Variants in PDE1A observed in about 807,000 individuals in gnomAD.
The protein encoded by PDE1A is phosphodiesterase 1A.
Under a neutral mutation model 61.7 loss-of-function variants are expected in PDE1A, and 35 were observed. The ratio of observed to expected loss-of-function variants is 0.57; its 90% confidence interval spans 0.43 to 0.75. PDE1A has a LOEUF of 0.75. Ranked by LOEUF, PDE1A falls within the 30% of genes least tolerant of loss-of-function variation. PDE1A has a pLI of 0.00. For synonymous variants in PDE1A, 232 were observed against 213.2 expected, an observed-to-expected ratio of 1.09 and a Z score of -0.77; for missense variants, 597 against 630.6, an observed-to-expected ratio of 0.95 and a Z score of 0.57.
chr2:182,639,787 T>A, the PDE1A span, among the ~76,000 whole-genome samples: 1 of 150,922 alleles, frequency 6.6e-6, no homozygotes, highest in Non-Finnish European at 1.5e-5. Flanking sequence ...CCTGAGAGAA[T>A]AAAACAAATA....
At chr2:182,146,124 C>T (rs1043718866), downstream of PDE1A, among the ~76,000 whole-genome samples, 1 of 152,142 alleles carries the variant, frequency 6.6e-6, no homozygotes, top group Admixed American at 6.5e-5. Flanking sequence ...TCTAACTGCC[C>T]ATATCTCCGC....
chr2:182,534,445 T>C, the PDE1A span, among the ~76,000 whole-genome samples: 2 of 152,018 alleles, frequency 1.3e-5, no homozygotes, highest in African/African-American at 2.4e-5. Flanking sequence ...CTGCAATGTC[T>C]GAACATTCAC....
At chr2:182,435,901 ATGAAT>A (rs770006739) in intron 2 of PDE1A, among the ~76,000 whole-genome samples, 4 of 152,192 alleles carry the variant, frequency 2.6e-5, no homozygotes, top group Non-Finnish European at 5.9e-5. Flanking sequence ...CAACCAAGAA[ATGAAT>A]TGAATCAATG....
intron 1 of PDE1A, among the ~76,000 whole-genome samples, chr2:182,417,308 G>T (rs572930074): frequency 6.6e-6 from 1 of 152,234 alleles, no homozygotes; most frequent in South Asian, 2.1e-4. Flanking sequence ...CCCTTCTTCT[G>T]TCACTGTACT....
chr2:182,203,040 G>C (rs1048517672), intron 8 of PDE1A, among the ~76,000 whole-genome samples: 18 of 152,208 alleles, frequency 1.2e-4, no homozygotes, highest in Non-Finnish European at 2.4e-4. Flanking sequence ...TATTGGCTGG[G>C]CATGGTGGCT....
At chr2:182,578,684 C>T in the PDE1A span, among the ~76,000 whole-genome samples, 3 of 152,144 alleles carry the variant, frequency 2.0e-5, no homozygotes, top group East Asian at 5.8e-4. Flanking sequence ...AGCTTTTTTA[C>T]ATGAACCTGA....
At chr2:182,283,579 T>C (rs1693965310) in intron 1 of PDE1A, among the ~76,000 whole-genome samples, 1 of 152,076 alleles carries the variant, frequency 6.6e-6, no homozygotes, top group East Asian at 1.9e-4. Context: ...AAAAAAAATC[T>C]TTTCAACTTT....
the PDE1A span, among the ~76,000 whole-genome samples, chr2:182,534,942 G>T: frequency 6.6e-6 from 1 of 151,900 alleles, no homozygotes; most frequent in Non-Finnish European, 1.5e-5. Context: ...TAGTTTACAT[G>T]AAATTTACCT....
the PDE1A span, among the ~76,000 whole-genome samples, chr2:182,627,035 T>TAACA: frequency 0.055 from 42 of 766 alleles, 4 homozygotes; most frequent in African/African-American, 0.099. Context: ...AATATAAATA[T>TAACA]ATATATTATT....
At chr2:182,445,899 A>G (rs1325108490) in intron 2 of PDE1A, among the ~76,000 whole-genome samples, 1 of 152,090 alleles carries the variant, frequency 6.6e-6, no homozygotes, top group Non-Finnish European at 1.5e-5. Context: ...AAATATTGTC[A>G]AGGTACTTTG....
intron 2 of PDE1A, among the ~76,000 whole-genome samples, chr2:182,471,333 ACCTAGT>A (rs1336279329): frequency 1.3e-5 from 2 of 151,786 alleles, no homozygotes; most frequent in Admixed American, 1.3e-4. Context: ...AATTGACCTC[ACCTAGT>A]CCCACAATCA....
At chr2:182,331,209 G>C (rs928839897) in intron 1 of PDE1A, among the ~76,000 whole-genome samples, 3 of 152,170 alleles carry the variant, frequency 2.0e-5, no homozygotes, top group African/African-American at 7.2e-5. Flanking sequence ...CTTGAATCTT[G>C]ACGCTGAGGA....
chr2:182,516,554 G>T (rs1574842242), intron 2 of PDE1A, among the ~76,000 whole-genome samples: 1 of 151,888 alleles, frequency 6.6e-6, no homozygotes, highest in African/African-American at 2.4e-5. Context: ...CTGGGAGGCT[G>T]AGGTGGGAGG....
In PDE1A at chr2:182,167,998, CAG is replaced by C. The variant is rs1691753295; in HGVS notation, c.*247_*248del. 2.5e-6 allele frequency: 3 copies of C among 1,213,500 alleles called. No homozygotes were observed. In the East Asian group the frequency reaches 1.0e-4, roughly 41 times the overall value. 75.2% of individuals were successfully genotyped at this position (1,213,500 alleles called of 1,614,324 possible). On this transcript the variant is annotated 3_prime_UTR_variant, in exon 14 of 14. Coordinates refer to ENST00000351439, the Ensembl canonical transcript of PDE1A. ...CAAATGCCACAAAATGCCATTGAAA[CAG>C]ATATCTGAAAGCACAAGGTGCTGAT...
At chr2:182,153,868 G>C (rs1159754511) in intron 13 of PDE1A, among the ~76,000 whole-genome samples, 1 of 152,126 alleles carries the variant, frequency 6.6e-6, no homozygotes, top group Non-Finnish European at 1.5e-5. Context: ...AGGAGGTTTG[G>C]AGGCAGGTAA....
At chr2:182,433,700 T>C (rs1157033390) in intron 2 of PDE1A, among the ~76,000 whole-genome samples, 2 of 152,056 alleles carry the variant, frequency 1.3e-5, no homozygotes, top group Non-Finnish European at 2.9e-5. Context: ...ATTCATTTCA[T>C]TGGGTGCATA....
the PDE1A span, among the ~76,000 whole-genome samples, chr2:182,692,769 G>T: frequency 6.6e-6 from 1 of 150,946 alleles, no homozygotes; most frequent in Non-Finnish European, 1.5e-5. Flanking sequence ...ACTTTTTATG[G>T]TTATCTTTAA....
chr2:182,414,247 A>C (rs748815966), intron 1 of PDE1A, among the ~76,000 whole-genome samples: 3 of 152,158 alleles, frequency 2.0e-5, no homozygotes, highest in Non-Finnish European at 4.4e-5. Context: ...GGAGTAGATA[A>C]GAGGAAATTA....
At chr2:182,706,421 C>T in the PDE1A span, among the ~76,000 whole-genome samples, 2 of 152,074 alleles carry the variant, frequency 1.3e-5, no homozygotes. Context: ...GAAAATGCCC[C>T]TGGAAAGAGC....
Sources: allele counts gnomAD v4.1 joint callset (sites outside exome capture counted in the v4.1 genomes callset), GRCh38; gene constraint gnomAD v4.1.1; transcripts MANE v1.5; gene names NCBI Gene and HGNC (gene_info 2026-07-23, HGNC 2026-07-21).